Variants in SPAG17 observed in about 807,000 individuals in gnomAD.
The protein encoded by SPAG17 is sperm associated antigen 17.
A neutral mutation model predicts 273.6 loss-of-function variants in SPAG17; 169 were observed. That is an observed-to-expected ratio of 0.62 (90% CI 0.55 to 0.70). The LOEUF (loss-of-function observed/expected upper bound fraction) is 0.70, where lower values mean the gene tolerates loss of function less well. Among genes scored for constraint, SPAG17 ranks in the 30% least tolerant of loss-of-function variants. SPAG17 has a pLI of 0.00. For synonymous variants in SPAG17, 825 were observed against 873.2 expected (o/e 0.94, Z 0.97); for missense variants, 2,557 against 2,627.8 (o/e 0.97, Z 0.59).
intron 20 of SPAG17, among the ~76,000 whole-genome samples, chr1:118,045,361 G>A (rs771320646): frequency 1.2e-4 from 19 of 152,110 alleles, no homozygotes; most frequent in Admixed American, 1.3e-4. Context: ...AATCTATCAC[G>A]CCCACATAAC....
intron 18 of SPAG17, among the ~76,000 whole-genome samples, chr1:118,060,943 G>C (rs1432675341): frequency 1.3e-5 from 2 of 152,028 alleles, no homozygotes; most frequent in Non-Finnish European, 2.9e-5. Context: ...TATATAAAAA[G>C]GTGTTCAACA....
At position 117,987,887 on chromosome 1, in the gene SPAG17, TGAAAG is replaced by T; in HGVS notation, c.5622-11_5622-7del. On this transcript the variant is annotated splice_polypyrimidine_tract_variant and splice_region_variant and intron_variant, in intron 39 of 48. Coordinates refer to ENST00000336338, the MANE Select transcript of SPAG17 (RefSeq NM_206996.4). ...GTTTTGAGGATGCTGTGTGTCTATGTGAAAGGAAAGGAAAGTATGGTGAAAAGGGG... is the reference window on the plus strand; with the variant it reads ...GTTTTGAGGATGCTGTGTGTCTATGTGAAAGGAAAGTATGGTGAAAAGGGG... 1 of 1,613,804 alleles carries T rather than the reference TGAAAG, an allele frequency of 6.2e-7. No individual in the cohort carries two copies. The highest frequency in any genetic ancestry group is 1.1e-5 in the South Asian group (1 of 91,024).
At chr1:118,021,520 G>A (rs1022685712) in intron 28 of SPAG17, among the ~76,000 whole-genome samples, 1 of 152,130 alleles carries the variant, frequency 6.6e-6, no homozygotes, top group African/African-American at 2.4e-5. Context: ...AACACCAAGA[G>A]TGAACCCTAA....
intron 4 of SPAG17, 147 bp from the exon 5 acceptor site, chr1:118,102,073 G>C (rs112557306): frequency 1.3e-5 from 9 of 718,558 alleles, no homozygotes; most frequent in African/African-American, 5.3e-5. Flanking sequence ...CAGCATAGTG[G>C]AGATTCCAGC....
At chr1:118,072,937 A>G (rs539719279) in intron 17 of SPAG17, among the ~76,000 whole-genome samples, 1 of 152,080 alleles carries the variant, frequency 6.6e-6, no homozygotes, top group South Asian at 2.1e-4. Context: ...TTTAGAGATC[A>G]CCGAGTAAAG....
At chr1:117,987,991 G>GA (rs1656625495) in intron 39 of SPAG17, 110 bp from the exon 40 acceptor site, 1 of 1,435,250 alleles carries the variant, frequency 7.0e-7, no homozygotes, top group South Asian at 1.3e-5. Flanking sequence ...TATGGGAGAT[G>GA]AAGGGCTGTG....
At position 118,023,449 on chromosome 1, in the gene SPAG17, A is replaced by T; in HGVS notation, c.3924T>A (p.Asp1308Glu). ...LDGSTQILFA[D>E]GAVSRSPNSG... ...AATTGGGACTCCTGCTCACAGCACC[A>T]TCTGCAAAGAGAATCTGAAGAATGA... is the stretch of plus-strand genomic sequence containing the variant. The change falls in exon 28 of 49, where the codon GAT becomes GAA. Residue 1308 changes from aspartate to glutamate, a missense_variant. Transcript: ENST00000336338. The T allele has an allele frequency of 6.2e-7, 1 of 1,606,206 alleles. No individual in the cohort carries two copies.
At chr1:118,101,099 C>A (rs568165824) in intron 5 of SPAG17, among the ~76,000 whole-genome samples, 1 of 152,286 alleles carries the variant, frequency 6.6e-6, no homozygotes, top group East Asian at 1.9e-4. Context: ...ATGTGCCTAG[C>A]AAGACACATG....
chr1:118,152,060 T>A (rs968311353), intron 1 of SPAG17, among the ~76,000 whole-genome samples: 1 of 152,208 alleles, frequency 6.6e-6, no homozygotes, highest in African/African-American at 2.4e-5. Context: ...CTGGATTACC[T>A]CACATTACCA....
intron 29 of SPAG17, among the ~76,000 whole-genome samples, chr1:118,015,146 G>A (rs950675409): frequency 6.6e-6 from 1 of 151,964 alleles, no homozygotes; most frequent in African/African-American, 2.4e-5. Flanking sequence ...TTAGCCGGGC[G>A]TGGTGGCAGG....
chr1:118,071,722 T>C (rs1267125771), intron 17 of SPAG17, among the ~76,000 whole-genome samples: 1 of 151,506 alleles, frequency 6.6e-6, no homozygotes, highest in Non-Finnish European at 1.5e-5. Context: ...ATCAGAATGA[T>C]AATAACAGGA....
intron 6 of SPAG17, among the ~76,000 whole-genome samples, chr1:118,098,607 G>C (rs1375676706): frequency 6.6e-6 from 1 of 151,896 alleles, no homozygotes; most frequent in Non-Finnish European, 1.5e-5. Context: ...ACTATCCTTT[G>C]AGATCATCAG....
At chr1:117,997,684 TTC>T (rs1178624231) in intron 32 of SPAG17, among the ~76,000 whole-genome samples, 10 of 152,078 alleles carry the variant, frequency 6.6e-5, no homozygotes, top group African/African-American at 2.4e-4. Flanking sequence ...AGGCCATACA[TTC>T]TCTGTTGCAG....
chr1:117,984,783 C>T lies in SPAG17; in HGVS notation c.5670-1G>A. On this transcript the variant is annotated splice_acceptor_variant, in intron 40 of 48. Coordinates refer to ENST00000336338, the MANE Select transcript of SPAG17 (RefSeq NM_206996.4). LOFTEE classifies it high-confidence loss of function. ...ATTCTGTGTTGTCTCAATTTCCTTC[C>T]TGGTTGATGTTTCCATGATGATGCA... The T allele has an allele frequency of 6.4e-7, 1 of 1,573,086 alleles. No individual in the cohort carries two copies. The highest frequency in any genetic ancestry group is 8.7e-7 in the Non-Finnish European group (1 of 1,144,200).
At position 117,957,169 on chromosome 1, in the gene SPAG17, T is replaced by C. The variant is rs199890965; in HGVS notation, c.*1-3120A>G. The C allele has an allele frequency of 4.7e-5, 75 of 1,612,360 alleles. No homozygotes were observed. In the South Asian group the frequency reaches 6.2e-4, roughly 13 times the overall value. On this transcript the variant is annotated intron_variant, in intron 48 of 48. Coordinates refer to ENST00000336338, the MANE Select transcript of SPAG17 (RefSeq NM_206996.4). Reference sequence around the variant, plus strand: ...CAGCTGGGCTCTGATGTTGAACTTATATGCCGGTGCCTCTTCTTCCTCCTT... The same window carrying C: ...CAGCTGGGCTCTGATGTTGAACTTACATGCCGGTGCCTCTTCTTCCTCCTT...
intron 46 of SPAG17, 64 bp from the exon 47 acceptor site, chr1:117,966,817 A>G (rs767106742): frequency 5.4e-5 from 76 of 1,418,704 alleles, no homozygotes; most frequent in Non-Finnish European, 5.8e-5. Flanking sequence ...TTTTAATAAT[A>G]TGAATTTGAG....
intron 28 of SPAG17, among the ~76,000 whole-genome samples, chr1:118,016,656 A>G (rs1271102950): frequency 6.6e-6 from 1 of 152,202 alleles, no homozygotes; most frequent in African/African-American, 2.4e-5. Context: ...TTTGTCAGTA[A>G]TAACAGGAAA....
At chr1:118,099,185 G>A (rs1293922040) in intron 6 of SPAG17, among the ~76,000 whole-genome samples, 1 of 152,128 alleles carries the variant, frequency 6.6e-6, no homozygotes, top group African/African-American at 2.4e-5. Flanking sequence ...CTCATAATAA[G>A]ACAATAGCAG....
At chr1:118,182,728 T>C (rs192435790) in intron 1 of SPAG17, among the ~76,000 whole-genome samples, 222 of 152,330 alleles carry the variant, frequency 1.5e-3, no homozygotes, top group African/African-American at 5.2e-3. Flanking sequence ...TTAGTCTCCC[T>C]ACTTAAAATA....
Sources: gnomAD v4.1 joint callset for allele counts (sites outside exome capture counted in the v4.1 genomes callset) on GRCh38, gnomAD v4.1.1 for gene constraint, MANE v1.5 for transcripts, NCBI Gene and HGNC (gene_info 2026-07-23, HGNC 2026-07-21) for gene names.